The following NXPE2 variants were observed in gnomAD, a reference collection of about 807,000 sequenced individuals.
NXPE2 encodes the protein NXPE family member 2.
Under a neutral mutation model 34.4 loss-of-function variants are expected in NXPE2, and 34 were observed. That is an observed-to-expected ratio of 0.99 (90% confidence interval 0.75 to 1.31). NXPE2 has a LOEUF of 1.31. Ranked by LOEUF, NXPE2 falls within the 40% of genes most tolerant of loss-of-function variation. The pLI is 0.00. For missense variants in NXPE2, 649 were observed against 672.5 expected (o/e 0.97, Z 0.39); for synonymous variants, 235 against 231.3 (o/e 1.02, Z -0.15).
At chr11:114,792,007 G>A in the NXPE2 span, among the ~76,000 whole-genome samples, 2 of 152,080 alleles carry the variant, frequency 1.3e-5, no homozygotes, top group Non-Finnish European at 2.9e-5. Context: ...GCAGTGAGCC[G>A]AGATCGCACC....
chr11:114,811,173 C>T, the NXPE2 span, among the ~76,000 whole-genome samples: 2 of 118,004 alleles, frequency 1.7e-5, no homozygotes, highest in Non-Finnish European at 3.2e-5. Context: ...CATCACACAC[C>T]AGGGACTGTT....
At chr11:114,665,358 A>G in the NXPE2 span, among the ~76,000 whole-genome samples, 1 of 152,168 alleles carries the variant, frequency 6.6e-6, no homozygotes, top group South Asian at 2.1e-4. Context: ...TCTATTAACA[A>G]TGATGTTCTG....
chr11:114,698,837 T>C, intron 3 of NXPE2, 59 bp downstream of exon 3: 2 of 1,425,760 alleles, frequency 1.4e-6, no homozygotes, highest in Non-Finnish European at 1.8e-6. Context: ...AAACTCTGCC[T>C]AGTAGTTTTG....
intron 2 of NXPE2, among the ~76,000 whole-genome samples, chr11:114,684,662 A>T (rs1565381454): frequency 6.6e-6 from 1 of 152,036 alleles, no homozygotes; most frequent in Non-Finnish European, 1.5e-5. Context: ...AGGGGTGGGG[A>T]ATAGGTGAAG....
At chr11:114,679,573 A>C (rs919870809) in intron 1 of NXPE2, 84 bp from the exon 2 acceptor site, 1 of 731,582 alleles carries the variant, frequency 1.4e-6, no homozygotes, top group African/African-American at 1.8e-5. Flanking sequence ...TGTTCTGGAA[A>C]TTACTGAAGA....
chr11:114,778,705 TGGAG>T, the NXPE2 span, among the ~76,000 whole-genome samples: 1 of 152,152 alleles, frequency 6.6e-6, no homozygotes, highest in South Asian at 2.1e-4. Flanking sequence ...TCGGGGTCCC[TGGAG>T]GAAGGAGCAT....
At chr11:114,591,783 A>G in the NXPE2 span, among the ~76,000 whole-genome samples, 2 of 152,244 alleles carry the variant, frequency 1.3e-5, no homozygotes, top group East Asian at 3.9e-4. Flanking sequence ...TGCTAAAAGT[A>G]GTGGCCTACA....
At chr11:114,514,334 A>C in the NXPE2 span, among the ~76,000 whole-genome samples, 1 of 152,198 alleles carries the variant, frequency 6.6e-6, no homozygotes, top group African/African-American at 2.4e-5. Flanking sequence ...ATGGAAGCTT[A>C]AAAGCATGCC....
chr11:114,808,621 G>A, the NXPE2 span, among the ~76,000 whole-genome samples: 110,652 of 116,222 alleles, frequency 0.95, 53,053 homozygotes, highest in Middle Eastern at 1. Context: ...CTCGACACAT[G>A]CATCCTCCCA....
At chr11:114,788,976 T>C in the NXPE2 span, among the ~76,000 whole-genome samples, 2 of 152,224 alleles carry the variant, frequency 1.3e-5, no homozygotes, top group Non-Finnish European at 2.9e-5. Flanking sequence ...GCAAGGCCTC[T>C]CATTTTCCCT....
the NXPE2 span, chr11:114,553,737 A>T: frequency 1.0e-6 from 1 of 985,374 alleles, no homozygotes; most frequent in Non-Finnish European, 1.2e-6. Flanking sequence ...TGTCTTTAAG[A>T]TGCCTCCATT....
chr11:114,672,616 T>C, the NXPE2 span, among the ~76,000 whole-genome samples: 22 of 151,496 alleles, frequency 1.5e-4, no homozygotes, highest in Non-Finnish European at 2.7e-4. Context: ...AGTTTGAAAG[T>C]AAAAGGATGG....
At chr11:114,747,435 C>T in the NXPE2 span, among the ~76,000 whole-genome samples, 3 of 152,286 alleles carry the variant, frequency 2.0e-5, no homozygotes, top group East Asian at 5.8e-4. Flanking sequence ...CTCACATATG[C>T]ATTACCTCAT....
chr11:114,567,001 C>A, the NXPE2 span, among the ~76,000 whole-genome samples: 8 of 152,184 alleles, frequency 5.3e-5, no homozygotes, highest in African/African-American at 1.9e-4. Flanking sequence ...CTTTGCTAAG[C>A]TTTCTCAGCA....
At position 114,706,525 on chromosome 11, in the gene NXPE2, G is replaced by A. The variant is rs1344459362; in HGVS notation, c.1275G>A (p.Val425=). The A allele has an allele frequency of 6.4e-7, 1 of 1,551,672 alleles. No individual in the cohort carries two copies. The highest frequency in any genetic ancestry group is 2.4e-5 in the East Asian group (1 of 41,074). ...HPFVTKKLFS[V]KDENYIPREI... is the part of the protein sequence containing the mutation. ...TTGTTACCAAAAAATTATTCTCAGT[G>A]AAAGATGAAAACTATATCCCACGGG... is the stretch of plus-strand genomic sequence containing the variant. The change falls in exon 6 of 6, where the codon GTG becomes GTA. Residue 425 remains valine (V), a synonymous_variant. Transcript: ENST00000389586.
At chr11:114,796,987 A>G in the NXPE2 span, among the ~76,000 whole-genome samples, 1 of 152,358 alleles carries the variant, frequency 6.6e-6, no homozygotes, top group African/African-American at 2.4e-5. Flanking sequence ...TAGATGAAGC[A>G]CAGAAAGCTG....
chr11:114,773,726 A>C, the NXPE2 span, among the ~76,000 whole-genome samples: 1 of 152,186 alleles, frequency 6.6e-6, no homozygotes, highest in Non-Finnish European at 1.5e-5. Context: ...TGCCTTCCCC[A>C]GTGGGGGTGA....
chr11:114,569,851 T>G, the NXPE2 span, among the ~76,000 whole-genome samples: 2 of 152,126 alleles, frequency 1.3e-5, no homozygotes, highest in Non-Finnish European at 2.9e-5. Context: ...ACCCCCACAC[T>G]CAAGTTAAAA....
the NXPE2 span, among the ~76,000 whole-genome samples, chr11:114,651,999 G>C: frequency 6.6e-6 from 1 of 152,164 alleles, no homozygotes; most frequent in East Asian, 1.9e-4. Flanking sequence ...CCAGGTTGAA[G>C]TGGAACTTGA....
Sources: gnomAD v4.1 joint callset for allele counts (sites outside exome capture counted in the v4.1 genomes callset) on GRCh38, gnomAD v4.1.1 for gene constraint, MANE v1.5 for transcripts, NCBI Gene and HGNC (gene_info 2026-07-23, HGNC 2026-07-21) for gene names.